Variants in PFKP observed in about 807,000 individuals in gnomAD.
PFKP encodes ATP-dependent 6-phosphofructokinase, platelet type.
A neutral mutation model predicts 94.3 loss-of-function variants in PFKP; 101 were observed. That is an observed-to-expected ratio of 1.07 (90% CI 0.91 to 1.26). The LOEUF is 1.26. PFKP is among the 50% of genes most tolerant of loss of function. The pLI is 0.00. For synonymous variants in PFKP, 573 were observed against 432.6 expected (o/e 1.32, Z -4.03); for missense variants, 1,145 against 1,103.3 (o/e 1.04, Z -0.53).
chr10:3,094,263 G>A (rs756321727), intron 2 of PFKP, among the ~76,000 whole-genome samples: 31 of 152,192 alleles, frequency 2.0e-4, no homozygotes, highest in Non-Finnish European at 3.5e-4. Context: ...ACAACTTACC[G>A]GAATTGTGCA....
chr10:3,104,747 G>A (rs560555051), intron 5 of PFKP: 100 of 319,458 alleles, frequency 3.1e-4, no homozygotes, highest in African/African-American at 1.5e-3. Context: ...AGATCCAGCC[G>A]TGGCTGTCGA....
At chr10:3,130,436 T>C (rs1405135934) in intron 17 of PFKP, among the ~76,000 whole-genome samples, 1 of 152,090 alleles carries the variant, frequency 6.6e-6, no homozygotes, top group African/African-American at 2.4e-5. Flanking sequence ...TAGGGAAGGG[T>C]GTCGCTGACC....
At position 3,119,559 on chromosome 10, in the gene PFKP, T is replaced by C. The variant is rs551561891; in HGVS notation, c.1531-333T>C. Among the ~76,000 whole-genome samples, 34 of 152,186 alleles carry C rather than the reference T, an allele frequency of 2.2e-4. No homozygotes were observed. The South Asian group carries it at 6.8e-3, about 31-fold the overall frequency. ...GGCGGAGGTTGCAGTGAGACGAGATTGCACCACCTCACTCCAGCCTGGGCC... is the reference window on the plus strand; with the variant it reads ...GGCGGAGGTTGCAGTGAGACGAGATCGCACCACCTCACTCCAGCCTGGGCC... On this transcript the variant is annotated intron_variant, in intron 15 of 21. Transcript: ENST00000381125.
rs1837225235 is a variant in PFKP, at chr10:3,119,878, CG to C, written c.1531-13del. The C allele has an allele frequency of 6.2e-7, 1 of 1,613,716 alleles. No individual in the cohort carries two copies. The highest frequency in any genetic ancestry group is 1.7e-5 in the Admixed American group (1 of 60,004). ...CTTCCCTCTCGCCCCACAACTCCCA[CG>C]CTTGTCTGACAGGCCTACCTGGGAC... On this transcript the variant is annotated splice_polypyrimidine_tract_variant and intron_variant, in intron 15 of 21. Transcript: ENST00000381125.
Position 3,103,951 on chromosome 10 carries a change from C to G in PFKP, c.620+7C>G. 6.2e-7 allele frequency: 1 copy of G among 1,612,688 alleles called. No individual in the cohort carries two copies. Among genetic ancestry groups the G allele is most frequent in the Non-Finnish European group, 8.5e-7 (1 of 1,179,626 alleles). On this transcript the variant is annotated splice_region_variant and intron_variant, in intron 5 of 21. Transcript: ENST00000381125. ...TCATGACCACGGCCCAGAGGTAAAG[C>G]GCTCAGAGGAACCGGCGGGAGGCCA...
Position 3,081,977 on chromosome 10 carries a change from C to CTTTTTTTTTTTT in PFKP, c.113-390_113-379dup, listed in dbSNP as rs547880338. Among the ~76,000 whole-genome samples, 247 of 68,420 alleles carry CTTTTTTTTTTTT rather than the reference C, an allele frequency of 3.6e-3. 10 individuals carry two copies. The highest frequency in any genetic ancestry group is 4.2e-3 in the African/African-American group (62 of 14,932). The allele number at this position is 68,420 out of a possible 152,430, so 44.9% of individuals were successfully genotyped here. On this transcript the variant is annotated intron_variant, in intron 1 of 21. Coordinates refer to ENST00000381125, the MANE Select transcript of PFKP (RefSeq NM_002627.5). ...CTTGTTTTCTGTTGAAGCCCATTGC[C>CTTTTTTTTTTTT]TTTTTTTTTTTTTTTTTTTTTTTTT...
At chr10:3,089,372 G>C (rs11595530) in intron 2 of PFKP, among the ~76,000 whole-genome samples, 10,026 of 152,156 alleles carry the variant, frequency 0.066, 489 homozygotes, top group Non-Finnish European at 0.095. Flanking sequence ...GCTGACGGGC[G>C]CTGATTCCAC....
chr10:3,102,568 C>A (rs1588468048), intron 4 of PFKP, among the ~76,000 whole-genome samples: 2 of 152,030 alleles, frequency 1.3e-5, no homozygotes, highest in Admixed American at 1.3e-4. Context: ...CATGCGCCAC[C>A]ACACCCAGCT....
Position 3,090,766 on chromosome 10 carries a change from GA to G in PFKP, c.186+8309del, listed in dbSNP as rs572265765. 3.7e-3 allele frequency among the ~76,000 whole-genome samples: 567 copies of G among 152,246 alleles called. 2 individuals carry two copies. The highest frequency in any genetic ancestry group is 5.2e-3 in the Non-Finnish European group (356 of 68,020). On this transcript the variant is annotated intron_variant, in intron 2 of 21. Coordinates refer to ENST00000381125, the MANE Select transcript of PFKP (RefSeq NM_002627.5). ...AACATCGGCGAACGTCCTATGGGGGGAAAATCACTCTTTTGGGGGACCGCTG... is the reference window on the plus strand; with the variant it reads ...AACATCGGCGAACGTCCTATGGGGGGAAATCACTCTTTTGGGGGACCGCTG...
At chr10:3,116,484 G>A (rs1836838196) in intron 13 of PFKP, among the ~76,000 whole-genome samples, 1 of 152,076 alleles carries the variant, frequency 6.6e-6, no homozygotes, top group African/African-American at 2.4e-5. Flanking sequence ...TTTAGTTGCC[G>A]GTGGCGGGAT....
At position 3,093,638 on chromosome 10, in the gene PFKP, C is replaced by CTTTTTTTT. The variant is rs765547765; in HGVS notation, c.187-5621_187-5614dup. Among the ~76,000 whole-genome samples, 152 of 94,048 alleles carry CTTTTTTTT rather than the reference C, an allele frequency of 1.6e-3. 5 individuals carry two copies. The highest frequency in any genetic ancestry group is 5.8e-3 in the African/African-American group (123 of 21,244). 61.7% of individuals were successfully genotyped at this position (94,048 alleles called of 152,430 possible). A position where few individuals can be genotyped will look rare whatever the true frequency, so the allele number is the denominator to read the frequency against. ...CGATAACCACAGGAACAAGCATTATCTTTTTTTTTTTTTTTTTTTTTTTGA... is the reference window on the plus strand; with the variant it reads ...CGATAACCACAGGAACAAGCATTATCTTTTTTTTTTTTTTTTTTTTTTTTTTTTTTTGA... On this transcript the variant is annotated intron_variant, in intron 2 of 21. Coordinates refer to ENST00000381125, the MANE Select transcript of PFKP (RefSeq NM_002627.5).
intron 16 of PFKP, among the ~76,000 whole-genome samples, chr10:3,123,788 A>G (rs1320031445): frequency 6.6e-6 from 1 of 152,262 alleles, no homozygotes; most frequent in East Asian, 1.9e-4. Flanking sequence ...GCTGGGAAGC[A>G]GCTGGCATTT....
At chr10:3,093,901 C>G (rs1030715016) in intron 2 of PFKP, among the ~76,000 whole-genome samples, 1 of 152,182 alleles carries the variant, frequency 6.6e-6, no homozygotes, top group Non-Finnish European at 1.5e-5. Flanking sequence ...CCTTGGCCTC[C>G]CAAAGTGCTG....
intron 1 of PFKP, among the ~76,000 whole-genome samples, chr10:3,069,993 C>T (rs1378951154): frequency 1.3e-5 from 2 of 152,230 alleles, no homozygotes; most frequent in African/African-American, 4.8e-5. Flanking sequence ...GTGGGGAACG[C>T]GGCTTGGTTG....
chr10:3,128,225 TTCCTG>T (rs1838168400), intron 16 of PFKP, among the ~76,000 whole-genome samples: 2 of 152,326 alleles, frequency 1.3e-5, no homozygotes, highest in East Asian at 3.9e-4. Context: ...CAGCCCACAG[TTCCTG>T]TCCTCATGGA....
intron 1 of PFKP, among the ~76,000 whole-genome samples, chr10:3,081,295 C>T (rs1403144002): frequency 6.6e-6 from 1 of 152,216 alleles, no homozygotes; most frequent in African/African-American, 2.4e-5. Flanking sequence ...AGCCGGTCAC[C>T]GTCCAAGTGC....
intron 7 of PFKP, 139 bp downstream of exon 7, chr10:3,105,640 T>C (rs1376750566): frequency 3.0e-6 from 2 of 665,736 alleles, no homozygotes; most frequent in Admixed American, 4.7e-5. Context: ...TTTCACTCTA[T>C]GGACTGTGAG....
chr10:3,073,095 T>C (rs1832322471), intron 1 of PFKP, among the ~76,000 whole-genome samples: 1 of 151,902 alleles, frequency 6.6e-6, no homozygotes, highest in Non-Finnish European at 1.5e-5. Context: ...TCATTGTGCT[T>C]GTCAGGATGT....
At chr10:3,128,574 C>G (rs1030165607) in intron 16 of PFKP, among the ~76,000 whole-genome samples, 1 of 152,248 alleles carries the variant, frequency 6.6e-6, no homozygotes, top group Non-Finnish European at 1.5e-5. Flanking sequence ...GAGCGTCCCT[C>G]GTGGCCCGTT....
Sources: gnomAD v4.1 joint callset for allele counts (sites outside exome capture counted in the v4.1 genomes callset) on GRCh38, gnomAD v4.1.1 for gene constraint, MANE v1.5 for transcripts, NCBI Gene and HGNC (gene_info 2026-07-23, HGNC 2026-07-21) for gene names.